Variants in RICTOR observed in about 807,000 individuals in gnomAD.
RICTOR encodes rapamycin-insensitive companion of mTOR.
Under a neutral mutation model 214.9 loss-of-function variants are expected in RICTOR, and 49 were observed. The observed-to-expected ratio is 0.23, with a 90% CI of 0.18 to 0.29. The LOEUF is 0.29. Among genes scored for constraint, RICTOR ranks in the 10% least tolerant of loss-of-function variants. The pLI is 1.00. For synonymous variants in RICTOR, 717 were observed against 711.3 expected (o/e 1.01, Z -0.13); for missense variants, 1,625 against 2,047.0 (o/e 0.79, Z 3.98).
intron 2 of RICTOR, among the ~76,000 whole-genome samples, chr5:39,038,338 T>C (rs375294601): frequency 6.6e-6 from 1 of 152,094 alleles, no homozygotes; most frequent in African/African-American, 2.4e-5. Flanking sequence ...TAAGAGCTAT[T>C]TATGACAAAC....
chr5:38,988,618 C>T (rs1383730804), intron 7 of RICTOR, among the ~76,000 whole-genome samples: 1 of 151,940 alleles, frequency 6.6e-6, no homozygotes, highest in Admixed American at 6.6e-5. Flanking sequence ...TTAGAAAACC[C>T]CATCGTCTCA....
intron 3 of RICTOR, among the ~76,000 whole-genome samples, chr5:39,004,993 C>G (rs1433968075): frequency 6.6e-6 from 1 of 152,102 alleles, no homozygotes; most frequent in East Asian, 1.9e-4. Context: ...GTTGGTCAGG[C>G]TGGTCTCAAA....
chr5:38,966,423 C>T (rs1750224686), intron 15 of RICTOR, among the ~76,000 whole-genome samples: 1 of 152,230 alleles, frequency 6.6e-6, no homozygotes, highest in African/African-American at 2.4e-5. Context: ...ATTCCATTTA[C>T]AAAACCAATC....
chr5:39,005,554 G>A (rs959153348), intron 3 of RICTOR, among the ~76,000 whole-genome samples: 4 of 151,748 alleles, frequency 2.6e-5, no homozygotes, highest in South Asian at 2.1e-4. Flanking sequence ...TTCTCCATAC[G>A]TCCTCTATGT....
chr5:39,055,386 C>G (rs1276983076), intron 2 of RICTOR, among the ~76,000 whole-genome samples: 1 of 151,164 alleles, frequency 6.6e-6, no homozygotes, highest in African/African-American at 2.4e-5. Flanking sequence ...CAATTAAACA[C>G]TACTACTTAA....
chr5:38,957,218 T>A (rs1749332826), intron 25 of RICTOR, among the ~76,000 whole-genome samples: 1 of 152,152 alleles, frequency 6.6e-6, no homozygotes, highest in Non-Finnish European at 1.5e-5. Flanking sequence ...TAAAGTAGTA[T>A]CCTAAAGTAA....
chr5:39,040,277 T>G lies in RICTOR; in HGVS notation c.98-19141A>C, dbSNP rs907589913. On this transcript the variant is annotated intron_variant, in intron 2 of 37. Transcript: ENST00000357387. ...GTGGGAACTGAACAATGAGAACACA[T>G]GGACACAGGAAGGGGAACATCACAC... Among the ~76,000 whole-genome samples the G allele has an allele frequency of 8.2e-5, 10 of 121,790 alleles. No individual in the cohort carries two copies. In the East Asian group the frequency reaches 2.6e-3, roughly 32 times the overall value. 79.9% of individuals were successfully genotyped at this position (121,790 alleles called of 152,430 possible).
At position 39,016,397 on chromosome 5, in the gene RICTOR, A is replaced by G. The variant is rs192101439; in HGVS notation, c.195+4642T>C. Among the ~76,000 whole-genome samples the G allele has an allele frequency of 6.0e-4, 91 of 151,928 alleles. No individual in the cohort carries two copies. In the East Asian group the frequency reaches 0.017, roughly 28 times the overall value. Reference sequence around the variant, plus strand: ...GGTGACAAGGAAGGGTGAAGAAAAGAGTGAGAAGATGAAGGGGCGAAAGGA... The same window carrying G: ...GGTGACAAGGAAGGGTGAAGAAAAGGGTGAGAAGATGAAGGGGCGAAAGGA... On this transcript the variant is annotated intron_variant, in intron 3 of 37. Transcript: ENST00000357387.
intron 2 of RICTOR, among the ~76,000 whole-genome samples, chr5:39,027,876 A>G (rs983829368): frequency 1.3e-5 from 2 of 152,158 alleles, no homozygotes; most frequent in African/African-American, 4.8e-5. Context: ...AATCCACAAA[A>G]TGGGTAAAAA....
intron 2 of RICTOR, among the ~76,000 whole-genome samples, chr5:39,040,787 T>G (rs951958524): frequency 6.6e-6 from 1 of 152,194 alleles, no homozygotes; most frequent in Non-Finnish European, 1.5e-5. Context: ...TCAATTTCTA[T>G]GTTTTATTCA....
intron 10 of RICTOR, among the ~76,000 whole-genome samples, chr5:38,973,363 A>G (rs1223706928): frequency 1.3e-5 from 2 of 152,208 alleles, no homozygotes; most frequent in Non-Finnish European, 2.9e-5. Context: ...GAAGAGGACT[A>G]TGTCTGCAAC....
chr5:39,002,721 A>T, intron 4 of RICTOR, 55 bp from the exon 5 acceptor site: 1 of 1,523,560 alleles, frequency 6.6e-7, no homozygotes, highest in Admixed American at 2.2e-5. Flanking sequence ...AAATACACAC[A>T]AAATTATATT....
At chr5:38,983,070 T>C (rs553847223) in intron 7 of RICTOR, among the ~76,000 whole-genome samples, 2 of 152,246 alleles carry the variant, frequency 1.3e-5, no homozygotes, top group South Asian at 2.1e-4. Flanking sequence ...AGAACTCTCA[T>C]TATCCTAGAA....
chr5:38,976,943 T>C (rs901901749), intron 9 of RICTOR, among the ~76,000 whole-genome samples: 2 of 152,220 alleles, frequency 1.3e-5, no homozygotes, highest in African/African-American at 4.8e-5. Context: ...ATCAGCGCTA[T>C]GACTGTGACT....
Position 38,959,791 on chromosome 5 carries a change from C to T in RICTOR, c.2039G>A (p.Ser680Asn), listed in dbSNP as rs1298707382. Reference protein sequence around the residue: ...PHGVKMLEKCSVFQCLLNLCS... With the variant: ...PHGVKMLEKCNVFQCLLNLCS... ...TGGGAATGCTCACCACTGAAATACA[C>T]TGCATTTTTCCAGCATTTTAACTCC... Residue 680 changes from serine (S) to asparagine (N), a missense_variant, in exon 21 of 38, where the codon AGT becomes AAT. Coordinates refer to ENST00000357387, the MANE Select transcript of RICTOR (RefSeq NM_152756.5). 1 of 1,611,712 alleles carries T rather than the reference C, an allele frequency of 6.2e-7. No individual in the cohort carries two copies. The highest frequency in any genetic ancestry group is 1.1e-5 in the South Asian group (1 of 91,020).
chr5:39,048,811 T>A (rs984579566), intron 2 of RICTOR, among the ~76,000 whole-genome samples: 3 of 152,130 alleles, frequency 2.0e-5, no homozygotes, highest in Non-Finnish European at 4.4e-5. Context: ...TCCTAAAGCT[T>A]AAGAGCAGGC....
chr5:39,031,462 C>T (rs1346169462), intron 2 of RICTOR, among the ~76,000 whole-genome samples: 1 of 152,108 alleles, frequency 6.6e-6, no homozygotes. Context: ...CAACCACAGC[C>T]ACATTTCAAT....
intron 2 of RICTOR, among the ~76,000 whole-genome samples, chr5:39,070,194 G>A (rs1030781082): frequency 3.3e-5 from 5 of 152,176 alleles, no homozygotes; most frequent in Admixed American, 2.0e-4. Context: ...GGCCGGGTGC[G>A]GTGGCTCACG....
At chr5:39,027,774 T>C (rs1264699181) in intron 2 of RICTOR, among the ~76,000 whole-genome samples, 1 of 152,242 alleles carries the variant, frequency 6.6e-6, no homozygotes, top group Middle Eastern at 3.4e-3. Context: ...TACAGAACAA[T>C]AGAAAGCAGT....
Sources: allele counts gnomAD v4.1 joint callset (sites outside exome capture counted in the v4.1 genomes callset), GRCh38; gene constraint gnomAD v4.1.1; transcripts MANE v1.5; gene names NCBI Gene and HGNC (gene_info 2026-07-23, HGNC 2026-07-21).